Variants in MIR2052HG observed in about 807,000 individuals in gnomAD.
MIR2052HG encodes the protein MIR2052 host gene.
chr8:74,613,185 T>C (rs533922783), intron 2 of MIR2052HG, among the ~76,000 whole-genome samples: 3 of 152,182 alleles, frequency 2.0e-5, no homozygotes, highest in African/African-American at 2.4e-5. Flanking sequence ...ATATAGCAAG[T>C]GTGTTTCTTC....
At chr8:74,670,937 TTC>T (rs1808985039) in intron 2 of MIR2052HG, among the ~76,000 whole-genome samples, 1 of 152,104 alleles carries the variant, frequency 6.6e-6, no homozygotes, top group Non-Finnish European at 1.5e-5. Flanking sequence ...TCTCATTTTT[TTC>T]TCTCATTTAT....
At chr8:74,609,386 A>G (rs930649527) in intron 1 of MIR2052HG, among the ~76,000 whole-genome samples, 64 of 152,074 alleles carry the variant, frequency 4.2e-4, no homozygotes, top group African/African-American at 1.5e-3. Context: ...AATAAAGCCA[A>G]TGCTATACAA....
At chr8:74,752,152 T>A (rs1809953424) in intron 4 of MIR2052HG, among the ~76,000 whole-genome samples, 1 of 151,802 alleles carries the variant, frequency 6.6e-6, no homozygotes, top group Non-Finnish European at 1.5e-5. Flanking sequence ...CATGGTGGCC[T>A]CTGCCTATAG....
At chr8:74,743,851 G>A (rs73341203) in intron 4 of MIR2052HG, among the ~76,000 whole-genome samples, 16,114 of 152,056 alleles carry the variant, frequency 0.11, 1,941 homozygotes, top group African/African-American at 0.3. Flanking sequence ...ATAAACCAAG[G>A]TGATCATGAG....
chr8:74,609,673 A>C (rs1267609346), intron 1 of MIR2052HG: 2 of 150,862 alleles, frequency 1.3e-5, no homozygotes, highest in East Asian at 1.9e-4. Flanking sequence ...ATGCCAGATT[A>C]TTAGACTAAA....
chr8:74,696,749 G>T (rs568303028), intron 2 of MIR2052HG, among the ~76,000 whole-genome samples: 3 of 151,694 alleles, frequency 2.0e-5, no homozygotes, highest in African/African-American at 7.3e-5. Context: ...GAAATATACA[G>T]CCCTCCTAGA....
In MIR2052HG at chr8:74,661,874, T is replaced by A. The variant is rs185755219; in HGVS notation, n.217-40505T>A. Among the ~76,000 whole-genome samples, 5 of 152,258 alleles carry A rather than the reference T, an allele frequency of 3.3e-5. No individual in the cohort carries two copies. The East Asian group carries it at 9.7e-4, about 29-fold the overall frequency. On this transcript the variant is annotated intron_variant and non_coding_transcript_variant, in intron 2 of 6. Coordinates refer to ENST00000523442, the Ensembl canonical transcript of MIR2052HG. ...GGAACTACTATCATTCAAAAAGAGA[T>A]ACAAATCACTATGTCTGATTCGTTG...
At chr8:74,613,144 G>C (rs1259805926) in intron 2 of MIR2052HG, among the ~76,000 whole-genome samples, 2 of 152,164 alleles carry the variant, frequency 1.3e-5, no homozygotes, top group Non-Finnish European at 2.9e-5. Flanking sequence ...TCTGGGTTGA[G>C]GCTGAAAGAA....
Position 74,699,289 on chromosome 8 carries a change from C to T in MIR2052HG, n.217-3090C>T, listed in dbSNP as rs140923854. ...ACTCAGAGAAAAAGAAGTCATCATA[C>T]GAAAAAGATACTTGCACACGCATGT... is the stretch of plus-strand genomic sequence containing the variant. On this transcript the variant is annotated intron_variant and non_coding_transcript_variant, in intron 2 of 6. Transcript: ENST00000523442. Among the ~76,000 whole-genome samples, 984 of 152,010 alleles carry T rather than the reference C, an allele frequency of 6.5e-3. 5 individuals are homozygous for T. The highest frequency in any genetic ancestry group is 0.02 in the Middle Eastern group (6 of 294).
intron 2 of MIR2052HG, among the ~76,000 whole-genome samples, chr8:74,652,281 C>A (rs573983232): frequency 6.6e-6 from 1 of 152,208 alleles, no homozygotes; most frequent in Admixed American, 6.5e-5. Context: ...ATATGACTTA[C>A]TCTGGCCAGT....
chr8:74,602,090 C>T (rs1399801275), intron 1 of MIR2052HG, among the ~76,000 whole-genome samples: 1 of 152,148 alleles, frequency 6.6e-6, no homozygotes, highest in Non-Finnish European at 1.5e-5. Flanking sequence ...GTTAGACACT[C>T]TTAGTCACAG....
rs35063266 is a variant in MIR2052HG at position 74,639,814 on chromosome 8, CT to C, written n.216+26884del. 7.3e-4 allele frequency among the ~76,000 whole-genome samples: 109 copies of C among 149,734 alleles called. 1 individual carries two copies. Among genetic ancestry groups the C allele is most frequent in the Middle Eastern group, 6.9e-3 (2 of 288 alleles). ...ATCTTCACAACTTTCATTAAACATACTTTTTTTTTTATCAAAGTCCCCAGTA... is the reference window on the plus strand; with the variant it reads ...ATCTTCACAACTTTCATTAAACATACTTTTTTTTTATCAAAGTCCCCAGTA... On this transcript the variant is annotated intron_variant and non_coding_transcript_variant, in intron 2 of 6. Coordinates refer to ENST00000523442, the Ensembl canonical transcript of MIR2052HG.
chr8:74,715,525 G>C (rs552159980), intron 4 of MIR2052HG, among the ~76,000 whole-genome samples: 1 of 152,244 alleles, frequency 6.6e-6, no homozygotes, highest in Non-Finnish European at 1.5e-5. Flanking sequence ...ATCCCATTCT[G>C]TTTGTGACTT....
chr8:74,661,893 T>C (rs1362079755), intron 2 of MIR2052HG, among the ~76,000 whole-genome samples: 2 of 152,220 alleles, frequency 1.3e-5, no homozygotes, highest in African/African-American at 4.8e-5. Flanking sequence ...CTATGTCTGA[T>C]TCGTTGCTAA....
At chr8:74,654,404 G>A (rs1246944078) in intron 2 of MIR2052HG, among the ~76,000 whole-genome samples, 1 of 152,076 alleles carries the variant, frequency 6.6e-6, no homozygotes, top group Non-Finnish European at 1.5e-5. Context: ...TGATTTGGCT[G>A]TATCCCCACC....
At chr8:74,662,822 C>T (rs1428970505) in intron 2 of MIR2052HG, among the ~76,000 whole-genome samples, 1 of 150,916 alleles carries the variant, frequency 6.6e-6, no homozygotes, top group Non-Finnish European at 1.5e-5. Context: ...AATGAGAAGG[C>T]ACTGAAAATA....
At chr8:74,630,143 T>C (rs1490100696) in intron 2 of MIR2052HG, among the ~76,000 whole-genome samples, 1 of 152,204 alleles carries the variant, frequency 6.6e-6, no homozygotes, top group Non-Finnish European at 1.5e-5. Flanking sequence ...GCTGGTTGTA[T>C]CTGATAATAA....
At chr8:74,625,472 T>G (rs1808422290) in intron 2 of MIR2052HG, 1 of 152,188 alleles carries the variant, frequency 6.6e-6, no homozygotes, top group Admixed American at 6.5e-5. Context: ...TGACATATAA[T>G]TATAAAAACT....
intron 2 of MIR2052HG, among the ~76,000 whole-genome samples, chr8:74,617,920 C>A (rs946166649): frequency 1.3e-5 from 2 of 152,126 alleles, no homozygotes; most frequent in Non-Finnish European, 2.9e-5. Context: ...GATAGTATCT[C>A]ATTGTGGTTT....
Sources: gnomAD v4.1 joint callset for allele counts (sites outside exome capture counted in the v4.1 genomes callset) on GRCh38, gnomAD v4.1.1 for gene constraint, MANE v1.5 for transcripts, NCBI Gene and HGNC (gene_info 2026-07-23, HGNC 2026-07-21) for gene names.